The following TCP11L2 variants were observed in gnomAD, a reference collection of about 807,000 sequenced individuals.
The protein encoded by TCP11L2 is t-complex 11 like 2, also known as T-complex protein 11-like protein 2.
A neutral mutation model predicts 50.7 loss-of-function variants in TCP11L2; 39 were observed. That is an observed-to-expected ratio of 0.77 (90% CI 0.60 to 1.01). TCP11L2 has a LOEUF of 1.01. Ranked by LOEUF, TCP11L2 falls within the 50% of genes least tolerant of loss-of-function variation. The pLI, the probability that TCP11L2 is intolerant of heterozygous loss-of-function variation, is 0.00. For synonymous variants in TCP11L2, 192 were observed against 219.3 expected (o/e 0.88, Z 1.10); for missense variants, 612 against 614.7 (o/e 1.00, Z 0.05).
At chr12:106,320,964 A>G (rs1216586733) in intron 4 of TCP11L2, among the ~76,000 whole-genome samples, 1 of 152,140 alleles carries the variant, frequency 6.6e-6, no homozygotes, top group African/African-American at 2.4e-5. Context: ...GTCAATCATT[A>G]TCTTGTTTTT....
At chr12:106,307,806 C>G (rs777182243) in intron 1 of TCP11L2, among the ~76,000 whole-genome samples, 7 of 152,116 alleles carry the variant, frequency 4.6e-5, no homozygotes, top group Non-Finnish European at 1.0e-4. Context: ...TGTTTAATTC[C>G]TGAGGCAATG....
chr12:106,316,287 C>T (rs2035076665), intron 3 of TCP11L2, among the ~76,000 whole-genome samples: 1 of 152,150 alleles, frequency 6.6e-6, no homozygotes, highest in African/African-American at 2.4e-5. Flanking sequence ...AAAGAATGAG[C>T]TATATTAGAT....
At chr12:106,328,104 T>TA (rs1177901574) in intron 6 of TCP11L2, among the ~76,000 whole-genome samples, 4 of 152,254 alleles carry the variant, frequency 2.6e-5, no homozygotes, top group Admixed American at 2.0e-4. Context: ...CTGTGGGACA[T>TA]AAATATCACT....
chr12:106,336,141 C>T lies in TCP11L2; in HGVS notation c.1070C>T (p.Thr357Ile). 6.2e-7 allele frequency: 1 copy of T among 1,613,934 alleles called. No individual in the cohort carries two copies. Among genetic ancestry groups the T allele is most frequent in the South Asian group, 1.1e-5 (1 of 90,996 alleles). The change falls in exon 8 of 10, where the codon ACA becomes ATA. Residue 357 changes from threonine to isoleucine, a missense_variant. Thr to Ile is a moderately conservative substitution (Grantham distance 89). Coordinates refer to ENST00000299045, the MANE Select transcript of TCP11L2 (RefSeq NM_152772.3). Reference protein sequence around the residue: ...LITNNMVGAITGGLPELASRL... With the variant: ...LITNNMVGAIIGGLPELASRL... ...ACCAACAACATGGTGGGTGCTATTACAGGAGGCCTGCCTGAGCTTGCAAGC... is the reference window on the plus strand; with the variant it reads ...ACCAACAACATGGTGGGTGCTATTATAGGAGGCCTGCCTGAGCTTGCAAGC...
At position 106,343,574 on chromosome 12, in the gene TCP11L2, T is replaced by C. The variant is rs183926739; in HGVS notation, c.1315+2576T>C. On this transcript the variant is annotated intron_variant, in intron 9 of 9. Transcript: ENST00000299045. ...CAATTCTTAACCTTTTGAAAAGATA[T>C]TAGAAAGGGATTTTTCTGTCGAATA... Among the ~76,000 whole-genome samples the C allele has an allele frequency of 1.0e-3, 157 of 152,256 alleles. 4 individuals are homozygous for C. In the East Asian group the frequency reaches 0.017, roughly 16 times the overall value.
upstream of TCP11L2, chr12:106,302,010 G>C (rs1007753842): frequency 6.6e-6 from 1 of 152,242 alleles, no homozygotes; most frequent in African/African-American, 2.4e-5. Flanking sequence ...ATCTAGACCC[G>C]TGTTTATGTG....
chr12:106,341,106 T>C (rs2036082761), intron 9 of TCP11L2, 108 bp downstream of exon 9: 3 of 875,390 alleles, frequency 3.4e-6, no homozygotes, highest in South Asian at 3.4e-5. Context: ...TACCCACTTT[T>C]GGAGGATAAA....
chr12:106,328,523 G>A lies in TCP11L2; in HGVS notation c.772+4877G>A, dbSNP rs139453359. On this transcript the variant is annotated intron_variant, in intron 6 of 9. Transcript: ENST00000299045. Reference sequence around the variant, plus strand: ...TGCGCCTCTGCACTCCAGCCTGGGCGACAGAGCAAGTGTCTGTCTCAAAAA... The same window carrying A: ...TGCGCCTCTGCACTCCAGCCTGGGCAACAGAGCAAGTGTCTGTCTCAAAAA... Among the ~76,000 whole-genome samples, 62 of 152,300 alleles carry A rather than the reference G, an allele frequency of 4.1e-4. No individual in the cohort carries two copies. In the East Asian group the frequency reaches 0.011, roughly 27 times the overall value.
intron 2 of TCP11L2, among the ~76,000 whole-genome samples, chr12:106,313,329 A>AC (rs2034930485): frequency 6.6e-6 from 1 of 152,162 alleles, no homozygotes; most frequent in African/African-American, 2.4e-5. Context: ...TTACACCTGT[A>AC]ATCCCAGCAC....
chr12:106,314,629 C>T, intron 3 of TCP11L2, 136 bp downstream of exon 3: 1 of 750,942 alleles, frequency 1.3e-6, no homozygotes, highest in African/African-American at 1.8e-5. Flanking sequence ...CACATATTTA[C>T]ACTGATTCCT....
intron 1 of TCP11L2, among the ~76,000 whole-genome samples, chr12:106,307,745 T>C (rs73197511): frequency 0.084 from 12,824 of 152,280 alleles, 658 homozygotes; most frequent in Middle Eastern, 0.15. Context: ...CTTGTTTGTC[T>C]GTTGAAGAAT....
In TCP11L2 at chr12:106,340,970, G is replaced by A. The variant is rs1370109046; in HGVS notation, c.1287G>A (p.Glu429=). The change falls in exon 9 of 10, where the codon GAG becomes GAA. Residue 429 remains glutamate, a synonymous_variant. Coordinates refer to ENST00000299045, the MANE Select transcript of TCP11L2 (RefSeq NM_152772.3). ...TAGGTCAATTTTCAAGCATTGAAGA[G>A]GAGGACAATCCTATCTGGTCCTTGA... is the stretch of plus-strand genomic sequence containing the variant. The part of the protein sequence containing the change: ...NLIGQFSSIE[E]EDNPIWSLID... The A allele has an allele frequency of 6.2e-7, 1 of 1,612,424 alleles. No individual in the cohort carries two copies. Among genetic ancestry groups the A allele is most frequent in the Non-Finnish European group, 8.5e-7 (1 of 1,179,534 alleles).
intron 6 of TCP11L2, chr12:106,330,168 C>T (rs1276918773): frequency 1.0e-6 from 1 of 985,324 alleles, no homozygotes; most frequent in African/African-American, 1.7e-5. Context: ...TGTCCTAAGG[C>T]AGACAGCCCC....
At chr12:106,334,786 C>T (rs1372376107) in intron 6 of TCP11L2, among the ~76,000 whole-genome samples, 1 of 151,946 alleles carries the variant, frequency 6.6e-6, no homozygotes, top group Non-Finnish European at 1.5e-5. Flanking sequence ...ACTAAAAATA[C>T]AAAAATTATC....
chr12:106,309,548 A>C (rs373764451), intron 1 of TCP11L2, among the ~76,000 whole-genome samples: 1 of 152,088 alleles, frequency 6.6e-6, no homozygotes, highest in African/African-American at 2.4e-5. Flanking sequence ...GATCCCTCTC[A>C]GACTCATCCT....
At chr12:106,300,305 C>T (rs1387759347), upstream of TCP11L2, among the ~76,000 whole-genome samples, 1 of 151,988 alleles carries the variant, frequency 6.6e-6, no homozygotes. Context: ...TATTTTACAG[C>T]ACTCCATTTT....
intron 8 of TCP11L2, among the ~76,000 whole-genome samples, chr12:106,337,040 A>G (rs1826324524): frequency 6.7e-6 from 1 of 149,288 alleles, no homozygotes; most frequent in Admixed American, 6.8e-5. Context: ...TAGATTTTGC[A>G]TTTACATCAT....
intron 6 of TCP11L2, chr12:106,325,755 A>G (rs898424401): frequency 6.6e-6 from 1 of 152,036 alleles, no homozygotes; most frequent in Non-Finnish European, 1.5e-5. Flanking sequence ...AGCCGGGATG[A>G]TGGCAGGTGC....
intron 6 of TCP11L2, chr12:106,329,412 A>G (rs11112940): frequency 0.35 from 536,914 of 1,535,500 alleles, 96,814 homozygotes; most frequent in African/African-American, 0.45. Context: ...AGCCTGTGAG[A>G]GTGAAGTCTC....
Sources: allele counts gnomAD v4.1 joint callset (sites outside exome capture counted in the v4.1 genomes callset), GRCh38; gene constraint gnomAD v4.1.1; transcripts MANE v1.5; gene names NCBI Gene and HGNC (gene_info 2026-07-23, HGNC 2026-07-21).